Variants in EFCC1 observed in about 807,000 individuals in gnomAD.
The protein encoded by EFCC1 is EF-hand and coiled-coil domain-containing protein 1.
A neutral mutation model predicts 52.1 loss-of-function variants in EFCC1; 50 were observed. The observed-to-expected ratio is 0.96, with a 90% CI of 0.76 to 1.21. EFCC1 has a LOEUF of 1.21. Among genes scored for constraint, EFCC1 ranks in the 50% most tolerant of loss-of-function variants. The pLI is 0.00. For synonymous variants in EFCC1, 399 were observed against 396.5 expected (o/e 1.01, Z -0.08); for missense variants, 837 against 867.3 (o/e 0.97, Z 0.44).
chr3:129,004,054 G>A lies in EFCC1; in HGVS notation c.957G>A (p.Leu319=), dbSNP rs1462026450. ...GCTTGCAGCGCTGGGTGCGGCGGCT[G>A]GAGGCGGAGCTGCAACGCTACAGGT... The part of the protein sequence containing the change: ...VPGLQRWVRR[L]EAELQRYRSE... Residue 319 remains leucine, a synonymous_variant, in exon 2 of 8, where the codon CTG becomes CTA. Transcript: ENST00000683648. 2.6e-6 allele frequency: 4 copies of A among 1,511,414 alleles called. No homozygotes were observed. Among genetic ancestry groups the A allele is most frequent in the Non-Finnish European group, 3.5e-6 (4 of 1,136,788 alleles). 93.6% of individuals were successfully genotyped at this position (1,511,414 alleles called of 1,614,324 possible).
At chr3:129,011,012 G>A (rs547434564) in intron 2 of EFCC1, among the ~76,000 whole-genome samples, 12 of 152,126 alleles carry the variant, frequency 7.9e-5, no homozygotes, top group Non-Finnish European at 1.3e-4. Flanking sequence ...CAGTTTCCTC[G>A]GCTATAAAGT....
intron 2 of EFCC1, among the ~76,000 whole-genome samples, 163 bp downstream of exon 2, chr3:129,004,240 A>G (rs1944957910): frequency 1.3e-5 from 2 of 152,090 alleles, no homozygotes; most frequent in South Asian, 4.1e-4. Flanking sequence ...CCATTTCTTA[A>G]GTTATAAGTC....
At position 129,010,407 on chromosome 3, in the gene EFCC1, A is replaced by G. The variant is rs969744214; in HGVS notation, c.980+6330A>G. On this transcript the variant is annotated intron_variant, in intron 2 of 7. Transcript: ENST00000683648. The surrounding 1 kb of genome is among the most constrained non-coding windows in gnomAD (Gnocchi z 4.3). ...GCTGGTGCCCAAAAAGACAGAAGAG[A>G]CAGAGAGCCAGCTCAGCTCAGCCGG... Among the ~76,000 whole-genome samples the G allele has an allele frequency of 7.2e-5, 11 of 152,136 alleles. No individual in the cohort carries two copies. In the East Asian group the frequency reaches 2.1e-3, roughly 30 times the overall value.
intron 2 of EFCC1, among the ~76,000 whole-genome samples, chr3:129,009,293 C>T (rs1037439192): frequency 6.6e-6 from 1 of 152,180 alleles, no homozygotes; most frequent in South Asian, 2.1e-4. Flanking sequence ...AAAGTGTAGG[C>T]ATGTCCAGCT....
intron 2 of EFCC1, among the ~76,000 whole-genome samples, chr3:129,019,152 T>C (rs972576764): frequency 6.6e-6 from 1 of 152,256 alleles, no homozygotes; most frequent in Non-Finnish European, 1.5e-5. Flanking sequence ...TGTAATCAGG[T>C]TCACCAAATT....
intron 2 of EFCC1, among the ~76,000 whole-genome samples, chr3:129,029,902 A>G (rs981354929): frequency 6.6e-6 from 1 of 151,548 alleles, no homozygotes; most frequent in African/African-American, 2.4e-5. Flanking sequence ...AAAAAAAAGT[A>G]GGCTAGGTGC....
At chr3:129,005,505 G>T (rs1945034002) in intron 2 of EFCC1, among the ~76,000 whole-genome samples, 1 of 152,102 alleles carries the variant, frequency 6.6e-6, no homozygotes, top group Non-Finnish European at 1.5e-5. Context: ...ATGAAACCAT[G>T]GAAAAGTTTT....
chr3:129,006,934 T>C (rs955545562), intron 2 of EFCC1, among the ~76,000 whole-genome samples: 1 of 152,182 alleles, frequency 6.6e-6, no homozygotes, highest in Non-Finnish European at 1.5e-5. Context: ...CCATGGGCAT[T>C]TATTGAGCAT....
intron 5 of EFCC1, among the ~76,000 whole-genome samples, chr3:129,035,420 C>T (rs1464393897): frequency 6.6e-6 from 1 of 152,224 alleles, no homozygotes; most frequent in Non-Finnish European, 1.5e-5. Context: ...ACCACTCCAC[C>T]CTGAGGCCAG....
chr3:129,014,211 G>A lies in EFCC1; in HGVS notation c.980+10134G>A, dbSNP rs181341417. 1.4e-3 allele frequency among the ~76,000 whole-genome samples: 206 copies of A among 152,328 alleles called. No homozygotes were observed. The highest frequency in any genetic ancestry group is 4.6e-3 in the African/African-American group (192 of 41,572). Reference sequence around the variant, plus strand: ...GGGAAGAGGCAGAGACCCTGCCCTCGTGGACCAACTCTCAGTGCGTTACGC... The same window carrying A: ...GGGAAGAGGCAGAGACCCTGCCCTCATGGACCAACTCTCAGTGCGTTACGC... On this transcript the variant is annotated intron_variant, in intron 2 of 7. Coordinates refer to ENST00000683648, the MANE Select transcript of EFCC1 (RefSeq NM_001377500.1). This position sits in a 1 kb window ranked among gnomAD's most constrained non-coding sequence, Gnocchi z 4.3.
intron 1 of EFCC1, among the ~76,000 whole-genome samples, chr3:129,002,995 A>T (rs908169893): frequency 1.3e-5 from 2 of 152,120 alleles, no homozygotes; most frequent in African/African-American, 4.8e-5. Context: ...ACAAACACTT[A>T]AGCACTGTGC....
chr3:129,014,814 G>A lies in EFCC1; in HGVS notation c.980+10737G>A, dbSNP rs531340810. Among the ~76,000 whole-genome samples the A allele has an allele frequency of 2.0e-5, 3 of 152,286 alleles. No individual in the cohort carries two copies. The highest frequency in any genetic ancestry group is 2.9e-5 in the Non-Finnish European group (2 of 68,014). On this transcript the variant is annotated intron_variant, in intron 2 of 7. Transcript: ENST00000683648. The surrounding 1 kb of genome is among the most constrained non-coding windows in gnomAD (Gnocchi z 4.3). ...TTGTCTGCACTGCCTGCACGGGGAC[G>A]AGCAGGTTGGAGCCAGCCTGGATGC...
At chr3:129,032,717 A>G (rs1946296041) in intron 3 of EFCC1, 102 bp from the exon 4 acceptor site, 14 of 1,453,132 alleles carry the variant, frequency 9.6e-6, no homozygotes, top group Non-Finnish European at 1.3e-5. Context: ...GGGACATGGC[A>G]CAAGAGCCCT....
In EFCC1 at chr3:129,014,054, A is replaced by G. The variant is rs899479576; in HGVS notation, c.980+9977A>G. Among the ~76,000 whole-genome samples the G allele has an allele frequency of 3.2e-4, 48 of 152,310 alleles. No homozygotes were observed. The highest frequency in any genetic ancestry group is 1.1e-3 in the African/African-American group (47 of 41,570). ...CAGAGACCCAGGAAGGGGCAGACAG[A>G]GTCTTCAGGCTCTTCATTTTGCCTC... On this transcript the variant is annotated intron_variant, in intron 2 of 7. Transcript: ENST00000683648. This position sits in a 1 kb window ranked among gnomAD's most constrained non-coding sequence, Gnocchi z 4.3.
rs1462749097 is a variant in EFCC1, at chr3:129,002,176, G to GC, written c.550dup (p.Arg184ProfsTer13). 6.8e-7 allele frequency: 1 copy of GC among 1,479,416 alleles called. No individual in the cohort carries two copies. Among genetic ancestry groups the GC allele is most frequent in the Non-Finnish European group, 8.9e-7 (1 of 1,126,208 alleles). The allele number at this position is 1,479,416 out of a possible 1,614,324, so 91.6% of individuals were successfully genotyped here. A position where few individuals can be genotyped will look rare whatever the true frequency, so the allele number is the denominator to read the frequency against. ...CGCCTGCGCCGTCCGCGCCGCCGCC[G>GC]CCGCCCGCCCTGCGCGCCTGGCCCC... On this transcript the variant is annotated frameshift_variant, in exon 1 of 8. Transcript: ENST00000683648. LOFTEE classifies it high-confidence loss of function.
Position 129,002,072 on chromosome 3 carries a change from C to T in EFCC1, c.444C>T (p.Arg148=), listed in dbSNP as rs762965217. Residue 148 remains arginine, a synonymous_variant, in exon 1 of 8, where the codon CGC becomes CGT. Transcript: ENST00000683648. The part of the protein sequence containing the change: ...PELTFRQFHA[R]LCGYFGTRAG... ...TCACCTTCCGCCAGTTCCACGCGCG[C>T]CTCTGTGGCTACTTCGGCACCCGTG... 31 of 1,535,050 alleles carry T rather than the reference C, an allele frequency of 2.0e-5. No individual in the cohort carries two copies. The East Asian group carries it at 7.1e-4, about 35-fold the overall frequency.
intron 6 of EFCC1, 99 bp from the exon 7 acceptor site, chr3:129,038,731 AG>A: frequency 8.5e-7 from 1 of 1,173,798 alleles, no homozygotes; most frequent in Non-Finnish European, 1.3e-6. Context: ...ATCTGTCCCC[AG>A]GGAGCTGCCT....
intron 2 of EFCC1, among the ~76,000 whole-genome samples, chr3:129,028,939 C>T (rs570430291): frequency 2.0e-4 from 30 of 152,338 alleles, no homozygotes; most frequent in Non-Finnish European, 3.8e-4. Context: ...CTGTGCCCAG[C>T]CTCATTGGCT....
Position 129,002,035 on chromosome 3 carries a change from A to C in EFCC1, c.407A>C (p.Glu136Ala). The C allele has an allele frequency of 6.5e-7, 1 of 1,543,642 alleles. No individual in the cohort carries two copies. Among genetic ancestry groups the C allele is most frequent in the Non-Finnish European group, 8.7e-7 (1 of 1,144,476 alleles). The change falls in exon 1 of 8, where the codon GAG becomes GCG. Residue 136 changes from glutamate to alanine, a missense_variant. Physicochemically the swap from Glu to Ala is moderately radical, Grantham distance 107. Transcript: ENST00000683648. The part of the protein sequence containing the change: ...DEEARLALRA[E>A]PPELTFRQFH... Reference sequence around the variant, plus strand: ...GAGGCGCGCCTGGCGCTGCGCGCCGAGCCGCCGGAGCTCACCTTCCGCCAG... The same window carrying C: ...GAGGCGCGCCTGGCGCTGCGCGCCGCGCCGCCGGAGCTCACCTTCCGCCAG...
Sources: gnomAD v4.1 joint callset for allele counts (sites outside exome capture counted in the v4.1 genomes callset) on GRCh38, gnomAD v4.1.1 for gene constraint, Gnocchi (gnomAD v3.1) non-coding constraint, MANE v1.5 for transcripts, NCBI Gene and HGNC (gene_info 2026-07-23, HGNC 2026-07-21) for gene names.